EPS15L1: variants seen among roughly 807,000 people sequenced by gnomAD.
The protein encoded by EPS15L1 is epidermal growth factor receptor pathway substrate 15 like 1, also known as epidermal growth factor receptor substrate 15-like 1.
A neutral mutation model predicts 117.1 loss-of-function variants in EPS15L1; 43 were observed. The ratio of observed to expected loss-of-function variants is 0.37; its 90% CI spans 0.29 to 0.47. EPS15L1 has a LOEUF of 0.47. EPS15L1 is among the 20% of genes least tolerant of loss of function. EPS15L1 has a pLI of 0.99. For synonymous variants in EPS15L1, 459 were observed against 470.5 expected (o/e 0.98, Z 0.32); for missense variants, 981 against 1,164.0 (o/e 0.84, Z 2.29).
chr19:16,425,549 A>G (rs556451014), intron 8 of EPS15L1, among the ~76,000 whole-genome samples: 1 of 152,334 alleles, frequency 6.6e-6, no homozygotes, highest in African/African-American at 2.4e-5. Context: ...AAAGAATCCA[A>G]TCAAGCCAGA....
Position 16,371,316 on chromosome 19 carries a change from C to T in EPS15L1, c.2380+5806G>A, listed in dbSNP as rs1041665783. 2.6e-5 allele frequency among the ~76,000 whole-genome samples: 4 copies of T among 152,138 alleles called. No individual in the cohort carries two copies. Among genetic ancestry groups the T allele is most frequent in the African/African-American group, 9.7e-5 (4 of 41,422 alleles). ...CGGCAGGGAGGTCAAGAACTCACGG[C>T]CACCCTGGGTGGATGCCACACACAG... is the stretch of plus-strand genomic sequence containing the variant. On this transcript the variant is annotated intron_variant, in intron 22 of 23. Transcript: ENST00000455140. This position sits in a 1 kb window ranked among gnomAD's most constrained non-coding sequence, Gnocchi z 4.7.
At position 16,377,231 on chromosome 19, in the gene EPS15L1, G is replaced by C; in HGVS notation, c.2271C>G (p.Thr757=). The C allele has an allele frequency of 6.2e-7, 1 of 1,613,064 alleles. No individual in the cohort carries two copies. The highest frequency in any genetic ancestry group is 8.5e-7 in the Non-Finnish European group (1 of 1,179,602). The change falls in exon 22 of 24, where the codon ACC becomes ACG. Residue 757 remains threonine (T), a synonymous_variant. Coordinates refer to ENST00000455140, the MANE Select transcript of EPS15L1 (RefSeq NM_001258374.3). ...MSKPPPSGPF[T]SSLGGAGFSD... Reference sequence around the variant, plus strand: ...AGAATCCTGCCCCTCCCAAGGAGGAGGTGAAAGGGCCAGAAGGTGGGGGCT... The same window carrying C: ...AGAATCCTGCCCCTCCCAAGGAGGACGTGAAAGGGCCAGAAGGTGGGGGCT...
At chr19:16,469,450 G>A (rs1049179795) in intron 1 of EPS15L1, among the ~76,000 whole-genome samples, 5 of 152,034 alleles carry the variant, frequency 3.3e-5, no homozygotes, top group Admixed American at 2.6e-4. Context: ...GCATTTCCAC[G>A]GAAGGCTTTT....
intron 16 of EPS15L1, among the ~76,000 whole-genome samples, chr19:16,397,924 C>A (rs1054396937): frequency 6.6e-6 from 1 of 152,138 alleles, no homozygotes; most frequent in Admixed American, 6.5e-5. Flanking sequence ...CAGCACAACA[C>A]CCTCATTGAA....
chr19:16,428,610 GAA>G (rs2092901027), intron 8 of EPS15L1, 90 bp downstream of exon 8: 1 of 828,360 alleles, frequency 1.2e-6, no homozygotes, highest in Admixed American at 2.8e-5. Flanking sequence ...AAAAAGAAAA[GAA>G]AAAAGAGAGA....
At position 16,391,943 on chromosome 19, in the gene EPS15L1, T is replaced by C. The variant is rs2092480403; in HGVS notation, c.2103+361A>G. 3.3e-5 allele frequency among the ~76,000 whole-genome samples: 5 copies of C among 152,140 alleles called. No individual in the cohort carries two copies. In the South Asian group the frequency reaches 1.0e-3, roughly 32 times the overall value. On this transcript the variant is annotated intron_variant, in intron 19 of 23. Coordinates refer to ENST00000455140, the MANE Select transcript of EPS15L1 (RefSeq NM_001258374.3). ...TGCGAGCATGTGGTGCTTGTGTGAT[T>C]TAGTCTTTTTTGGGAGATGAAGGGG...
At chr19:16,421,024 C>T (rs1599620246) in intron 10 of EPS15L1, among the ~76,000 whole-genome samples, 1 of 152,266 alleles carries the variant, frequency 6.6e-6, no homozygotes, top group Non-Finnish European at 1.5e-5. Flanking sequence ...GCCAGCATCA[C>T]AGCCAGCAAG....
chr19:16,384,120 T>C (rs2092393441), intron 21 of EPS15L1: 1 of 152,324 alleles, frequency 6.6e-6, no homozygotes. Context: ...GCGTGGATAA[T>C]GCCTGGGCCT....
At chr19:16,469,921 T>TCCC (rs2093334191) in intron 1 of EPS15L1, among the ~76,000 whole-genome samples, 1 of 152,150 alleles carries the variant, frequency 6.6e-6, no homozygotes, top group African/African-American at 2.4e-5. Context: ...AGCTAGACAG[T>TCCC]AAGGGCCTGG....
At chr19:16,439,080 T>TG (rs1568452706) in intron 4 of EPS15L1, among the ~76,000 whole-genome samples, 2 of 151,740 alleles carry the variant, frequency 1.3e-5, no homozygotes, top group Non-Finnish European at 2.9e-5. Flanking sequence ...TTCTGTTTTT[T>TG]TTTTTTTTTA....
chr19:16,464,583 C>T (rs2093282572), intron 1 of EPS15L1, among the ~76,000 whole-genome samples: 1 of 152,204 alleles, frequency 6.6e-6, no homozygotes, highest in African/African-American at 2.4e-5. Context: ...TGTTTTGGCC[C>T]TTTGACCTAG....
rs754688489 is a variant in EPS15L1, at chr19:16,393,923, G to A, written c.1966+28C>T. 11 of 1,611,506 alleles carry A rather than the reference G, an allele frequency of 6.8e-6. No individual in the cohort carries two copies. In the Admixed American group the frequency reaches 1.2e-4, roughly 17 times the overall value. On this transcript the variant is annotated intron_variant, in intron 18 of 23. Transcript: ENST00000455140. ...GAGCCAGGACTGGACACAGTCTAAA[G>A]ACCGGTCCGGGAAACACTGAATTTT...
chr19:16,402,373 G>T lies in EPS15L1; in HGVS notation c.1739C>A (p.Ala580Asp). Residue 580 changes from alanine (A) to aspartate (D), a missense_variant, in exon 16 of 24, where the codon GCC (alanine) becomes GAC (aspartate). By Grantham distance (126) the Ala-to-Asp change is moderately radical (BLOSUM62 -2). Transcript: ENST00000455140. ...GAHGASLTDL[A>D]NLSEGVSLAE... is the part of the protein sequence containing the mutation. ...CAGGGAGACGCCTTCGCTCAGGTTG[G>T]CCAGGTCGGTCAGGCTGGCACCATG... The T allele has an allele frequency of 6.2e-7, 1 of 1,614,006 alleles. No homozygotes were observed. Among genetic ancestry groups the T allele is most frequent in the Admixed American group, 1.7e-5 (1 of 59,998 alleles).
intron 22 of EPS15L1, among the ~76,000 whole-genome samples, chr19:16,372,675 G>A (rs148388592): frequency 0.032 from 4,914 of 152,300 alleles, 118 homozygotes; most frequent in Non-Finnish European, 0.054. Flanking sequence ...CCTGCGTCCC[G>A]GTCCCTGTGC....
chr19:16,458,489 C>T (rs2145165182), intron 1 of EPS15L1, among the ~76,000 whole-genome samples: 1 of 151,452 alleles, frequency 6.6e-6, no homozygotes, highest in South Asian at 2.1e-4. Flanking sequence ...CTCTACAGAG[C>T]CTGGCCCAGC....
At chr19:16,459,273 A>G (rs1482346262) in intron 1 of EPS15L1, among the ~76,000 whole-genome samples, 1 of 152,116 alleles carries the variant, frequency 6.6e-6, no homozygotes, top group Admixed American at 6.6e-5. Flanking sequence ...CCCAAATGAA[A>G]TAAGTCCCTC....
intron 19 of EPS15L1, among the ~76,000 whole-genome samples, chr19:16,387,142 C>T (rs772972472): frequency 4.1e-4 from 63 of 152,128 alleles, no homozygotes; most frequent in Non-Finnish European, 8.2e-4. Context: ...ACACAGGTGA[C>T]CTTAGAAGAG....
At chr19:16,471,987 C>A (rs764153572), upstream of EPS15L1, 11 of 1,255,970 alleles carry the variant, frequency 8.8e-6, no homozygotes, top group Non-Finnish European at 1.1e-5. The surrounding 1 kb of genome is among the most constrained non-coding windows in gnomAD (Gnocchi z 4.8). Context: ...GGAACGGGGG[C>A]GGGGCTGCAG....
chr19:16,371,567 T>C lies in EPS15L1; in HGVS notation c.2380+5555A>G, dbSNP rs1161250719. ...AGCAGTAATAAAATAATCATTAAATTGGGGAGAGGTTAAAGGTGACTGGCT... is the reference window on the plus strand; with the variant it reads ...AGCAGTAATAAAATAATCATTAAATCGGGGAGAGGTTAAAGGTGACTGGCT... On this transcript the variant is annotated intron_variant, in intron 22 of 23. Transcript: ENST00000455140. This position sits in a 1 kb window ranked among gnomAD's most constrained non-coding sequence, Gnocchi z 4.7. Among the ~76,000 whole-genome samples the C allele has an allele frequency of 6.6e-6, 1 of 152,062 alleles. No homozygotes were observed. The highest frequency in any genetic ancestry group is 2.4e-5 in the African/African-American group (1 of 41,364).
Sources: gnomAD v4.1 joint callset for allele counts (sites outside exome capture counted in the v4.1 genomes callset) on GRCh38, gnomAD v4.1.1 for gene constraint, Gnocchi (gnomAD v3.1) non-coding constraint, MANE v1.5 for transcripts, NCBI Gene and HGNC (gene_info 2026-07-23, HGNC 2026-07-21) for gene names.